GSN: variants seen among roughly 807,000 people sequenced by gnomAD.
The protein encoded by GSN is actin-depolymerizing factor.
In GSN, 56 loss-of-function variants were observed where a neutral mutation model predicts 85.7. That is an observed-to-expected ratio of 0.65 (90% confidence interval 0.53 to 0.82). The LOEUF is 0.82. Ranked by LOEUF, GSN falls within the 40% of genes least tolerant of loss-of-function variation. The pLI, the probability that GSN is intolerant of heterozygous loss-of-function variation, is 0.00. For synonymous variants in GSN, 373 were observed against 399.1 expected, an observed-to-expected ratio of 0.93 and a Z score of 0.78; for missense variants, 857 against 979.8, an observed-to-expected ratio of 0.87 and a Z score of 1.67.
At chr9:121,217,936 C>A (rs2054098262) in intron 4 of GSN, among the ~76,000 whole-genome samples, 1 of 151,838 alleles carries the variant, frequency 6.6e-6, no homozygotes, top group Admixed American at 6.6e-5. Flanking sequence ...TATAAGGGTA[C>A]ATACATAAAG....
chr9:121,281,484 T>C lies in GSN; in HGVS notation c.-88T>C. On this transcript the variant is annotated 5_prime_UTR_variant, in exon 2 of 18. Coordinates refer to ENST00000432226, the MANE Select transcript of GSN (RefSeq NM_198252.3). ...TTTGTTTACAGGTAGTGCTCATAGC[T>C]CTCTTTGTCCAGTGCTTCGGCCTTG... 2.6e-6 allele frequency: 1 copy of C among 382,922 alleles called. No individual in the cohort carries two copies. Among genetic ancestry groups the C allele is most frequent in the South Asian group, 2.0e-5 (1 of 49,462 alleles). 23.7% of individuals were successfully genotyped at this position (382,922 alleles called of 1,614,324 possible). A position where few individuals can be genotyped will look rare whatever the true frequency, so the allele number is the denominator to read the frequency against.
intron 5 of GSN, among the ~76,000 whole-genome samples, chr9:121,237,176 A>G (rs547586307): frequency 4.6e-5 from 7 of 152,332 alleles, no homozygotes; most frequent in African/African-American, 1.7e-4. Flanking sequence ...GCTGTAAGAC[A>G]CAGGAATCTC....
intron 4 of GSN, among the ~76,000 whole-genome samples, chr9:121,229,479 C>CA (rs538630367): frequency 1.4e-3 from 216 of 152,294 alleles, no homozygotes; most frequent in Admixed American, 3.8e-3. Context: ...CTCAGCTTCC[C>CA]AAAGTGCTGG....
chr9:121,285,014 C>T (rs1047231210), intron 2 of GSN: 38 of 167,380 alleles, frequency 2.3e-4, no homozygotes, highest in African/African-American at 8.9e-4. Flanking sequence ...CACAGCAGCA[C>T]TGGGGTGTGT....
At chr9:121,238,919 T>A (rs555210369) in intron 5 of GSN, 2 of 537,408 alleles carry the variant, frequency 3.7e-6, no homozygotes, top group East Asian at 5.4e-5. Flanking sequence ...TTCTTCCTGG[T>A]CATCCCTTCT....
intron 2 of GSN, chr9:121,286,664 C>T: frequency 6.5e-7 from 1 of 1,534,696 alleles, no homozygotes; most frequent in South Asian, 1.2e-5. Context: ...GCCGGGAAGT[C>T]AGAGAAAGAA....
chr9:121,310,819 G>T lies in GSN; in HGVS notation c.487G>T (p.Asp163Tyr), dbSNP rs121909715. 6.2e-7 allele frequency: 1 copy of T among 1,614,106 alleles called. No individual in the cohort carries two copies. The highest frequency in any genetic ancestry group is 8.5e-7 in the Non-Finnish European group (1 of 1,180,026). ...GTCCTGGGAGAGCTTCAACAATGGC[G>T]ACTGCTTCATCCTGGACCTGGGCAA... ...PVSWESFNNG[D>Y]CFILDLGNNI... Residue 163 changes from aspartate to tyrosine, a missense_variant, in exon 5 of 18, where the codon GAC (aspartate) becomes TAC (tyrosine). Coordinates refer to ENST00000432226, the MANE Select transcript of GSN (RefSeq NM_198252.3).
At position 121,277,146 on chromosome 9, in the gene GSN, T is replaced by A. The variant is rs558786074; in HGVS notation, c.-102-4324T>A. ...TTTAAGATCCAGTGGTAGATCTTGG[T>A]CTGTCAATTGGTCCTAGAGTGGAAT... On this transcript the variant is annotated intron_variant, in intron 1 of 17. Coordinates refer to ENST00000432226, the MANE Select transcript of GSN (RefSeq NM_198252.3). Among the ~76,000 whole-genome samples, 313 of 151,822 alleles carry A rather than the reference T, an allele frequency of 2.1e-3. 3 individuals are homozygous for A. Among genetic ancestry groups the A allele is most frequent in the Non-Finnish European group, 3.4e-3 (233 of 67,850 alleles).
At chr9:121,278,018 C>A (rs1264150399) in intron 1 of GSN, among the ~76,000 whole-genome samples, 1 of 151,386 alleles carries the variant, frequency 6.6e-6, no homozygotes, top group Non-Finnish European at 1.5e-5. Context: ...GTTTGCTGAC[C>A]CATGATCTAG....
At chr9:121,322,829 T>C (rs908206553) in intron 11 of GSN, among the ~76,000 whole-genome samples, 2 of 111,970 alleles carry the variant, frequency 1.8e-5, no homozygotes, top group African/African-American at 6.5e-5. Context: ...TTATTGACTG[T>C]TGGATTTTTT....
intron 4 of GSN, among the ~76,000 whole-genome samples, chr9:121,229,687 A>T (rs951203439): frequency 6.6e-6 from 1 of 152,088 alleles, no homozygotes; most frequent in African/African-American, 2.4e-5. Flanking sequence ...ATTACTGGGG[A>T]TGCTAAGTTT....
At chr9:121,260,047 G>A (rs987506315) in intron 6 of GSN, among the ~76,000 whole-genome samples, 7 of 152,236 alleles carry the variant, frequency 4.6e-5, no homozygotes, top group African/African-American at 1.7e-4. Flanking sequence ...AGACTTTGGA[G>A]AATGGCTGTG....
At position 121,327,498 on chromosome 9, in the gene GSN, G is replaced by T; in HGVS notation, c.1762+16G>T. 6.5e-7 allele frequency: 1 copy of T among 1,549,702 alleles called. No homozygotes were observed. On this transcript the variant is annotated intron_variant, in intron 14 of 17. Transcript: ENST00000432226. ...AGCGAGCCAGGTAGGAGCCGGGGTGGGGGGCCTGCTGCTGTCCGGATGCAG... is the reference window on the plus strand; with the variant it reads ...AGCGAGCCAGGTAGGAGCCGGGGTGTGGGGCCTGCTGCTGTCCGGATGCAG...
intron 2 of GSN, among the ~76,000 whole-genome samples, chr9:121,295,220 T>C (rs1367427457): frequency 6.6e-6 from 1 of 152,212 alleles, no homozygotes; most frequent in Non-Finnish European, 1.5e-5. Flanking sequence ...ATGAGGAAAC[T>C]GAGGTCTGGA....
At chr9:121,232,729 G>A (rs1240347823) in intron 5 of GSN, among the ~76,000 whole-genome samples, 1 of 152,166 alleles carries the variant, frequency 6.6e-6, no homozygotes, top group Non-Finnish European at 1.5e-5. Context: ...GAAATTGATT[G>A]GAAGAACTCT....
intron 6 of GSN, 73 bp from the exon 7 acceptor site, chr9:121,313,861 C>A: frequency 1.7e-6 from 2 of 1,185,868 alleles, no homozygotes; most frequent in Non-Finnish European, 2.5e-6. Context: ...TCCTTGCCTG[C>A]CTGGGAGCTA....
At chr9:121,226,822 A>G (rs1241559542) in intron 4 of GSN, among the ~76,000 whole-genome samples, 1 of 152,192 alleles carries the variant, frequency 6.6e-6, no homozygotes, top group Non-Finnish European at 1.5e-5. Flanking sequence ...CCACTGTTAG[A>G]AGCTTGGCGC....
upstream of GSN, among the ~76,000 whole-genome samples, chr9:121,207,003 T>C (rs1375588829): frequency 6.6e-6 from 1 of 152,264 alleles, no homozygotes; most frequent in African/African-American, 2.4e-5. Flanking sequence ...TTTAACTCTT[T>C]CATTGCATGC....
intron 7 of GSN, among the ~76,000 whole-genome samples, chr9:121,314,700 G>A (rs1255905752): frequency 6.6e-6 from 1 of 151,962 alleles, no homozygotes; most frequent in African/African-American, 2.4e-5. Flanking sequence ...GAAAATAAAA[G>A]TCCATGCAAT....
Sources: gnomAD v4.1 joint callset for allele counts (sites outside exome capture counted in the v4.1 genomes callset) on GRCh38, gnomAD v4.1.1 for gene constraint, MANE v1.5 for transcripts, NCBI Gene and HGNC (gene_info 2026-07-23, HGNC 2026-07-21) for gene names.